DCDC1: variants seen among roughly 807,000 people sequenced by gnomAD.
The protein encoded by DCDC1 is doublecortin domain-containing protein 1.
In DCDC1, 200 loss-of-function variants were observed where a neutral mutation model predicts 178.3. That is an observed-to-expected ratio of 1.12 (90% CI 1.00 to 1.26). The LOEUF (loss-of-function observed/expected upper bound fraction) is 1.26, where lower values mean the gene tolerates loss of function less well. DCDC1 is among the 50% of genes most tolerant of loss of function. The pLI, the probability that DCDC1 is intolerant of heterozygous loss-of-function variation, is 0.00. For synonymous variants in DCDC1, 690 were observed against 604.8 expected, an observed-to-expected ratio of 1.14 and a Z score of -2.07; for missense variants, 1,983 against 1,749.2, an observed-to-expected ratio of 1.13 and a Z score of -2.38.
In DCDC1 at chr11:31,077,847, G is replaced by A. The variant is rs758103030; in HGVS notation, c.2298+18C>T. The stretch of plus-strand genomic sequence containing the variant: ...AGAAAAACTTAGGCATAAAAGCTGT[G>A]GATTATAAAGTCCTTACCTTTGAAT... On this transcript the variant is annotated intron_variant, in intron 18 of 38. Transcript: ENST00000684477. The A allele has an allele frequency of 6.5e-6, 5 of 765,316 alleles. No individual in the cohort carries two copies. The East Asian group carries it at 9.7e-5, about 15-fold the overall frequency. 47.4% of individuals were successfully genotyped at this position (765,316 alleles called of 1,614,324 possible). A position where few individuals can be genotyped will look rare whatever the true frequency, so the allele number is the denominator to read the frequency against.
chr11:30,868,946 TATA>T (rs1274371210), intron 38 of DCDC1, among the ~76,000 whole-genome samples: 1 of 152,190 alleles, frequency 6.6e-6, no homozygotes, highest in Non-Finnish European at 1.5e-5. Flanking sequence ...ATGTCTGTCT[TATA>T]ATGCCATTCA....
chr11:31,037,445 TTTTTTG>T (rs1304865835), intron 20 of DCDC1, among the ~76,000 whole-genome samples: 1 of 149,822 alleles, frequency 6.7e-6, no homozygotes. Flanking sequence ...TTTTTTTTTT[TTTTTTG>T]AGAAGGAGTC....
At chr11:31,117,688 T>G (rs149227101) in intron 11 of DCDC1, among the ~76,000 whole-genome samples, 19 of 141,532 alleles carry the variant, frequency 1.3e-4, no homozygotes, top group African/African-American at 3.9e-4. Flanking sequence ...TGACAAAAAA[T>G]AAGGCATATG....
chr11:31,161,643 T>A (rs1258273128), intron 9 of DCDC1, among the ~76,000 whole-genome samples: 1 of 152,124 alleles, frequency 6.6e-6, no homozygotes, highest in Non-Finnish European at 1.5e-5. Context: ...TCCCACTTAT[T>A]AGAAGCAGCT....
chr11:30,874,460 T>A (rs1036674052), intron 38 of DCDC1, among the ~76,000 whole-genome samples: 1 of 151,932 alleles, frequency 6.6e-6, no homozygotes, highest in Non-Finnish European at 1.5e-5. Flanking sequence ...ATTTAAAGAC[T>A]CTTAGAGGAG....
intron 20 of DCDC1, among the ~76,000 whole-genome samples, chr11:30,985,143 A>C (rs544593369): frequency 6.6e-6 from 1 of 152,192 alleles, no homozygotes; most frequent in Non-Finnish European, 1.5e-5. Flanking sequence ...TCAAGTCTTC[A>C]GTACAGGAAA....
chr11:30,926,490 A>G (rs1946598781), intron 22 of DCDC1, among the ~76,000 whole-genome samples: 2 of 152,164 alleles, frequency 1.3e-5, no homozygotes, highest in South Asian at 4.1e-4. Context: ...TGGAGCCTAG[A>G]CAGCAAGCTT....
intron 9 of DCDC1, among the ~76,000 whole-genome samples, chr11:31,231,346 A>G (rs757104742): frequency 6.6e-6 from 1 of 152,162 alleles, no homozygotes; most frequent in Non-Finnish European, 1.5e-5. Flanking sequence ...GAGCCCTATC[A>G]CAAGTTTATG....
chr11:31,128,117 T>G (rs535410101), intron 10 of DCDC1, among the ~76,000 whole-genome samples: 11 of 152,188 alleles, frequency 7.2e-5, no homozygotes, highest in Admixed American at 3.9e-4. Flanking sequence ...ATCATTTTGT[T>G]GACCTTTAAA....
At chr11:30,920,714 G>C (rs149240973) in intron 25 of DCDC1, 62 bp downstream of exon 25, 28 of 1,581,672 alleles carry the variant, frequency 1.8e-5, no homozygotes, top group African/African-American at 4.0e-5. Context: ...TGCTGTTATC[G>C]GGCTAATGAG....
intron 7 of DCDC1, among the ~76,000 whole-genome samples, chr11:31,287,475 C>G (rs1946917987): frequency 6.6e-6 from 1 of 151,842 alleles, no homozygotes; most frequent in South Asian, 2.1e-4. Flanking sequence ...AAAAGGATGA[C>G]ACTTTTCAAA....
chr11:31,291,404 C>T (rs1456033197), intron 6 of DCDC1, among the ~76,000 whole-genome samples: 2 of 152,012 alleles, frequency 1.3e-5, no homozygotes, highest in African/African-American at 4.8e-5. Context: ...TAAACTATTT[C>T]ACTGAAAATG....
chr11:31,008,337 G>C (rs1951975371), intron 20 of DCDC1, among the ~76,000 whole-genome samples: 1 of 152,110 alleles, frequency 6.6e-6, no homozygotes, highest in Admixed American at 6.5e-5. Context: ...TTTAGGGGCT[G>C]ACACAAAGAA....
chr11:30,895,541 A>G lies in DCDC1; in HGVS notation c.4766-1157T>C, dbSNP rs76597180. Among the ~76,000 whole-genome samples, 296 of 152,354 alleles carry G rather than the reference A, an allele frequency of 1.9e-3. 4 individuals carry two copies. The East Asian group carries it at 0.038, about 20-fold the overall frequency. On this transcript the variant is annotated intron_variant, in intron 34 of 38. Transcript: ENST00000684477. The stretch of plus-strand genomic sequence containing the variant: ...CAAACAAAACTGAAAATAATCTGGT[A>G]CTTATAGAGTATAAAGCACTTGTGC...
chr11:30,911,521 T>C, intron 27 of DCDC1, 101 bp from the exon 28 acceptor site: 1 of 817,228 alleles, frequency 1.2e-6, no homozygotes, highest in Non-Finnish European at 2.1e-6. Flanking sequence ...CCATGCATGC[T>C]CTGTAATAAT....
chr11:31,117,810 C>A (rs753250699), intron 11 of DCDC1, among the ~76,000 whole-genome samples: 1 of 151,924 alleles, frequency 6.6e-6, no homozygotes, highest in Non-Finnish European at 1.5e-5. Flanking sequence ...AATTTGCTTG[C>A]GTGTCATGTC....
chr11:31,285,464 A>G (rs928566526), intron 7 of DCDC1, among the ~76,000 whole-genome samples: 1 of 152,082 alleles, frequency 6.6e-6, no homozygotes, highest in Non-Finnish European at 1.5e-5. Context: ...ATCTCTTAAG[A>G]TACTCTCTAA....
chr11:31,099,863 C>T (rs1287748763), intron 15 of DCDC1, among the ~76,000 whole-genome samples: 1 of 152,012 alleles, frequency 6.6e-6, no homozygotes, highest in Non-Finnish European at 1.5e-5. Flanking sequence ...GGACCACAGG[C>T]ATGCACCACC....
In DCDC1 at chr11:30,915,466, C is replaced by T. The variant is rs375862507; in HGVS notation, c.3653+45G>A. ...GGGACCATGCTAGACTTATTAGGAT[C>T]CTATTCACCTTTTGATATAGTAAAC... On this transcript the variant is annotated intron_variant, in intron 27 of 38. Coordinates refer to ENST00000684477, the MANE Select transcript of DCDC1 (RefSeq NM_001387274.1). 4.1e-4 allele frequency: 656 copies of T among 1,601,960 alleles called. 4 individuals are homozygous for T. The Middle Eastern group carries it at 7.0e-3, about 17-fold the overall frequency.
Sources: gnomAD v4.1 joint callset for allele counts (sites outside exome capture counted in the v4.1 genomes callset) on GRCh38, gnomAD v4.1.1 for gene constraint, MANE v1.5 for transcripts, NCBI Gene and HGNC (gene_info 2026-07-23, HGNC 2026-07-21) for gene names.